Variants in CPT1C observed in about 807,000 individuals in gnomAD.
CPT1C encodes palmitoyl thioesterase CPT1C.
A neutral mutation model predicts 97.3 loss-of-function variants in CPT1C; 61 were observed. The ratio of observed to expected loss-of-function variants is 0.63; its 90% confidence interval spans 0.51 to 0.78. CPT1C has a LOEUF of 0.78. Ranked by LOEUF, CPT1C falls within the 30% of genes least tolerant of loss-of-function variation. The pLI is 0.00. For synonymous variants in CPT1C, 469 were observed against 447.2 expected (o/e 1.05, Z -0.61); for missense variants, 975 against 1,065.5 (o/e 0.92, Z 1.18).
intron 4 of CPT1C, among the ~76,000 whole-genome samples, chr19:49,698,692 C>G (rs770667792): frequency 5.3e-5 from 8 of 151,746 alleles, no homozygotes; most frequent in Admixed American, 2.0e-4. Context: ...GAGCTTTGCC[C>G]GTCTCTAGTC....
In CPT1C at chr19:49,707,216, C is replaced by T. The variant is rs756134200; in HGVS notation, c.1344-302C>T. Among the ~76,000 whole-genome samples, 6 of 152,150 alleles carry T rather than the reference C, an allele frequency of 3.9e-5. No homozygotes were observed. The East Asian group carries it at 5.8e-4, about 15-fold the overall frequency. On this transcript the variant is annotated intron_variant, in intron 12 of 19. Transcript: ENST00000598293. ...CTTGAACCCTCAGCTACTTGGGAGG[C>T]GGAGGTTGCAGTGAGCCGAGATCGC...
rs761263076 is a variant in CPT1C, at chr19:49,713,532, C to T, written c.2339C>T (p.Ser780Phe). 4 of 1,614,204 alleles carry T rather than the reference C, an allele frequency of 2.5e-6. No homozygotes were observed. The highest frequency in any genetic ancestry group is 3.4e-6 in the Non-Finnish European group (4 of 1,180,032). The change falls in exon 20 of 20, where the codon TCC becomes TTC. Residue 780 changes from serine (S) to phenylalanine (F), a missense_variant. This residue lies in a region of CPT1C where 344 missense variants were observed against 395.7 expected (regional missense o/e 0.87). Coordinates refer to ENST00000598293, the MANE Select transcript of CPT1C (RefSeq NM_001199753.2). ...TTCAGAGGGTCAGGGAAGGAGAACTCCAGGCACAGGTGTGGATTTCTCTCC... is the reference window on the plus strand; with the variant it reads ...TTCAGAGGGTCAGGGAAGGAGAACTTCAGGCACAGGTGTGGATTTCTCTCC... ...RRFRGSGKENSRHRCGFLSRQ... is the reference protein window; with the variant it reads ...RRFRGSGKENFRHRCGFLSRQ...
chr19:49,703,595 C>CCCTCCCTCCCTCCCTCCCTTCCTTCCTT (rs1383754956), intron 7 of CPT1C, among the ~76,000 whole-genome samples: 2 of 75,836 alleles, frequency 2.6e-5, no homozygotes, highest in Admixed American at 1.5e-4. Context: ...CTCCCTCCCT[C>CCCTCCCTCCCTCCCTCCCTTCCTTCCTT]CCTTCCTTCC....
chr19:49,701,279 G>T, intron 5 of CPT1C, 38 bp from the exon 6 acceptor site: 1 of 1,573,092 alleles, frequency 6.4e-7, no homozygotes. Flanking sequence ...CCCTGGCTCC[G>T]GTGAGGGGTT....
rs980245420 is a variant in CPT1C at position 49,708,838 on chromosome 19, A to C, written c.1565A>C (p.Gln522Pro). Residue 522 changes from glutamine (Q) to proline (P), a missense_variant and splice_region_variant, in exon 14 of 20, where the codon CAG (glutamine) becomes CCG (proline). Physicochemically the swap from Gln to Pro is moderately conservative, Grantham distance 76. Transcript: ENST00000598293. ...CGGCTGCAATGGGACCTTCCAGACC[A>C]GGTGAGGCTGGGTTTCTGGGCCTCT... is the stretch of plus-strand genomic sequence containing the variant. ...PQRLQWDLPD[Q>P]IHSSISLALR... 6.2e-7 allele frequency: 1 copy of C among 1,604,232 alleles called. No individual in the cohort carries two copies. Among genetic ancestry groups the C allele is most frequent in the Non-Finnish European group, 8.5e-7 (1 of 1,172,176 alleles).
chr19:49,697,542 G>A (rs2082736684), intron 4 of CPT1C, 77 bp downstream of exon 4: 4 of 1,507,708 alleles, frequency 2.7e-6, no homozygotes, highest in South Asian at 1.3e-5. Context: ...TCATTGTGGT[G>A]TACCTGCTAA....
chr19:49,704,838 G>A (rs371889665), intron 8 of CPT1C, 51 bp downstream of exon 8: 34 of 1,544,542 alleles, frequency 2.2e-5, no homozygotes, highest in Non-Finnish European at 2.9e-5. Flanking sequence ...GGGTTGGGGG[G>A]TACCTGGGCG....
rs369066476 is a variant in CPT1C, at chr19:49,704,834, G to C, written c.771+47G>C. ...TTCATAGGCCCCAGGTCTAGGGTTG[G>C]GGGGTACCTGGGCGGAATGTGACGG... On this transcript the variant is annotated intron_variant, in intron 8 of 19. Coordinates refer to ENST00000598293, the MANE Select transcript of CPT1C (RefSeq NM_001199753.2). 8.3e-6 allele frequency: 13 copies of C among 1,559,294 alleles called. No homozygotes were observed. In the African/African-American group the frequency reaches 1.4e-4, roughly 16 times the overall value.
At chr19:49,694,317 TG>T (rs1163438579) in intron 3 of CPT1C, among the ~76,000 whole-genome samples, 1 of 151,664 alleles carries the variant, frequency 6.6e-6, no homozygotes, top group Non-Finnish European at 1.5e-5. Flanking sequence ...AAGAGTGATG[TG>T]GGGGTGTTGC....
rs144355056 is a variant in CPT1C, at chr19:49,700,786, G to A, written c.384G>A (p.Leu128=). The A allele has an allele frequency of 2.5e-6, 4 of 1,613,382 alleles. No individual in the cohort carries two copies. Among genetic ancestry groups the A allele is most frequent in the Admixed American group, 1.7e-5 (1 of 60,018 alleles). The change falls in exon 5 of 20, where the codon CTG becomes CTA. Residue 128 remains leucine, a synonymous_variant. Transcript: ENST00000598293. ...LIFTLHVALR[L]LLSYHGWLLE... is the part of the protein sequence containing the mutation. ...TCACACTGCACGTGGCCCTGAGGCT[G>A]CTTCTGTCCTACCACGGCTGGCTTC...
intron 4 of CPT1C, among the ~76,000 whole-genome samples, chr19:49,699,758 C>T (rs989379016): frequency 6.6e-6 from 1 of 151,980 alleles, no homozygotes; most frequent in Non-Finnish European, 1.5e-5. Context: ...AGTTCGAGAG[C>T]CGCCTGGCCA....
At chr19:49,701,685 A>C in intron 7 of CPT1C, 51 bp downstream of exon 7, 1 of 1,526,578 alleles carries the variant, frequency 6.6e-7, no homozygotes, top group Non-Finnish European at 8.8e-7. Context: ...TAAGGTTGTG[A>C]GCTCGCCTGC....
At chr19:49,713,107 G>C (rs1309789133) in intron 19 of CPT1C, 43 bp downstream of exon 19, 6 of 1,533,788 alleles carry the variant, frequency 3.9e-6, no homozygotes, top group Non-Finnish European at 9.0e-7. Context: ...CTTTCCTCAG[G>C]AACCAGGAGT....
intron 4 of CPT1C, among the ~76,000 whole-genome samples, chr19:49,698,664 A>T (rs990453525): frequency 6.8e-6 from 1 of 147,864 alleles, no homozygotes; most frequent in Non-Finnish European, 1.5e-5. Flanking sequence ...CTCTGTCTCA[A>T]AAAAAAAAAA....
intron 2 of CPT1C, 36 bp downstream of exon 2, chr19:49,691,925 TG>T: frequency 2.9e-6 from 1 of 345,532 alleles, no homozygotes; most frequent in Non-Finnish European, 5.4e-6. Context: ...TATGTAGTCC[TG>T]GGTCGGCGCA....
intron 7 of CPT1C, among the ~76,000 whole-genome samples, chr19:49,702,934 C>T (rs886664972): frequency 6.6e-6 from 1 of 152,016 alleles, no homozygotes; most frequent in Admixed American, 6.6e-5. Flanking sequence ...CAGAGCCCCA[C>T]GAGGCAGCTA....
chr19:49,710,859 T>G lies in CPT1C; in HGVS notation c.1866+2T>G. 1 of 1,610,644 alleles carries G rather than the reference T, an allele frequency of 6.2e-7. No homozygotes were observed. The highest frequency in any genetic ancestry group is 8.5e-7 in the Non-Finnish European group (1 of 1,177,432). On this transcript the variant is annotated splice_donor_variant, in intron 16 of 19. Transcript: ENST00000598293. LOFTEE classifies it high-confidence loss of function. ...GCCATGGAGGACAAAGAGAAGACGG[T>G]GGGTGCAGCCCTCGCTTGAGGCTTC...
chr19:49,707,631 G>A lies in CPT1C; in HGVS notation c.1449+8G>A, dbSNP rs768023203. ...TCAGGACACATGTGGGAGGTAGGGCGGCCAGCCCTCCCTGGTTCTGGGGAC... is the reference window on the plus strand; with the variant it reads ...TCAGGACACATGTGGGAGGTAGGGCAGCCAGCCCTCCCTGGTTCTGGGGAC... On this transcript the variant is annotated splice_region_variant and intron_variant, in intron 13 of 19. Transcript: ENST00000598293. 7.6e-6 allele frequency: 12 copies of A among 1,586,170 alleles called. No individual in the cohort carries two copies. Among genetic ancestry groups the A allele is most frequent in the East Asian group, 2.3e-5 (1 of 44,336 alleles).
chr19:49,698,788 T>C lies in CPT1C; in HGVS notation c.281+1323T>C, dbSNP rs577314628. On this transcript the variant is annotated intron_variant, in intron 4 of 19. Coordinates refer to ENST00000598293, the MANE Select transcript of CPT1C (RefSeq NM_001199753.2). ...AGGTATGAATAATTGCTTCTTAGTG[T>C]GCTTGGAAGAATTAATCAAAATCCT... is the stretch of plus-strand genomic sequence containing the variant. Among the ~76,000 whole-genome samples, 30 of 152,052 alleles carry C rather than the reference T, an allele frequency of 2.0e-4. 1 individual carries two copies. The South Asian group carries it at 6.2e-3, about 32-fold the overall frequency.
Sources: allele counts gnomAD v4.1 joint callset (sites outside exome capture counted in the v4.1 genomes callset), GRCh38; gene constraint gnomAD v4.1.1; regional missense constraint gnomAD v4.1.1; transcripts MANE v1.5; gene names NCBI Gene and HGNC (gene_info 2026-07-23, HGNC 2026-07-21).